Variants in PLPPR1 observed in about 807,000 individuals in gnomAD.
The protein encoded by PLPPR1 is phospholipid phosphatase related 1, also known as phospholipid phosphatase-related protein type 1.
A neutral mutation model predicts 33.1 loss-of-function variants in PLPPR1; 10 were observed. The observed-to-expected ratio is 0.30, with a 90% CI of 0.19 to 0.51. PLPPR1 has a LOEUF of 0.51. PLPPR1 is among the 20% of genes least tolerant of loss of function. PLPPR1 has a pLI of 0.97. For synonymous variants in PLPPR1, 151 were observed against 151.0 expected (o/e 1.00, Z 0.00); for missense variants, 304 against 408.1 (o/e 0.74, Z 2.20).
At chr9:101,117,054 C>A (rs1277606198) in intron 1 of PLPPR1, among the ~76,000 whole-genome samples, 1 of 152,074 alleles carries the variant, frequency 6.6e-6, no homozygotes, top group Non-Finnish European at 1.5e-5. Flanking sequence ...GAAGATGGAT[C>A]TTCATCCCTC....
intron 1 of PLPPR1, among the ~76,000 whole-genome samples, chr9:101,063,676 C>T (rs1005034368): frequency 7.9e-5 from 12 of 152,042 alleles, no homozygotes; most frequent in Non-Finnish European, 1.6e-4. Flanking sequence ...TGTTGTTCCT[C>T]TTCTAGGAAA....
At chr9:101,045,425 GT>G (rs1830132459) in intron 1 of PLPPR1, among the ~76,000 whole-genome samples, 1 of 152,202 alleles carries the variant, frequency 6.6e-6, no homozygotes, top group South Asian at 2.1e-4. Flanking sequence ...GTGAATGGAA[GT>G]GAATGAGTAA....
At chr9:101,076,917 C>T (rs970463987) in intron 1 of PLPPR1, among the ~76,000 whole-genome samples, 1 of 152,204 alleles carries the variant, frequency 6.6e-6, no homozygotes, top group Non-Finnish European at 1.5e-5. Context: ...TCGGCTTCTT[C>T]CCTACTTCCC....
At chr9:101,293,775 A>T (rs1457428744) in intron 4 of PLPPR1, among the ~76,000 whole-genome samples, 1 of 152,194 alleles carries the variant, frequency 6.6e-6, no homozygotes, top group Non-Finnish European at 1.5e-5. Flanking sequence ...GACACAACAT[A>T]CCAGAATCTC....
intron 1 of PLPPR1, among the ~76,000 whole-genome samples, chr9:101,123,458 C>T (rs895089955): frequency 1.3e-4 from 20 of 151,964 alleles, no homozygotes; most frequent in African/African-American, 4.8e-4. Flanking sequence ...GACCCAACAC[C>T]AGGTCGTGGG....
At chr9:101,041,091 C>G (rs1468934712) in intron 1 of PLPPR1, among the ~76,000 whole-genome samples, 1 of 152,080 alleles carries the variant, frequency 6.6e-6, no homozygotes, top group Non-Finnish European at 1.5e-5. Context: ...GGGGCTTGGT[C>G]CCATAGGACA....
chr9:101,187,340 C>T (rs1031497192), intron 2 of PLPPR1: 1 of 151,668 alleles, frequency 6.6e-6, no homozygotes, highest in Non-Finnish European at 1.5e-5. Context: ...ATTTTCAGCT[C>T]TCTAATGTGT....
At chr9:101,276,902 C>T (rs961218258) in intron 3 of PLPPR1, among the ~76,000 whole-genome samples, 22 of 152,298 alleles carry the variant, frequency 1.4e-4, no homozygotes, top group East Asian at 3.9e-4. Context: ...AGCTTTGAAA[C>T]GCATAGGAAG....
At chr9:101,053,088 G>A (rs1353968927) in intron 1 of PLPPR1, among the ~76,000 whole-genome samples, 1 of 152,160 alleles carries the variant, frequency 6.6e-6, no homozygotes, top group Non-Finnish European at 1.5e-5. Context: ...AGATTCACAT[G>A]TTAAATAGCC....
At chr9:101,230,444 A>G (rs542487923) in intron 2 of PLPPR1, among the ~76,000 whole-genome samples, 1 of 152,232 alleles carries the variant, frequency 6.6e-6, no homozygotes, top group African/African-American at 2.4e-5. Context: ...AAAGTACACG[A>G]TTGCCAAGTT....
chr9:101,283,938 T>C (rs1056743583), intron 3 of PLPPR1, among the ~76,000 whole-genome samples: 1 of 152,096 alleles, frequency 6.6e-6, no homozygotes, highest in Admixed American at 6.6e-5. Flanking sequence ...AGATATAATC[T>C]CACACCTGTT....
intron 1 of PLPPR1, among the ~76,000 whole-genome samples, chr9:101,114,329 C>T (rs1277119146): frequency 1.3e-5 from 2 of 152,166 alleles, no homozygotes; most frequent in Non-Finnish European, 2.9e-5. Flanking sequence ...AAAATCACAT[C>T]CTAGTAAATG....
intron 1 of PLPPR1, among the ~76,000 whole-genome samples, chr9:101,039,181 T>C (rs1215166403): frequency 6.6e-6 from 1 of 152,168 alleles, no homozygotes; most frequent in African/African-American, 2.4e-5. Flanking sequence ...GAAAGCAGGA[T>C]CATGTGGTGG....
chr9:101,181,821 C>T (rs1234671167), intron 1 of PLPPR1, among the ~76,000 whole-genome samples: 3 of 148,336 alleles, frequency 2.0e-5, no homozygotes, highest in African/African-American at 7.4e-5. Context: ...TAATAATTGA[C>T]ACCTAGGTAG....
chr9:101,310,954 A>G (rs930874904), intron 5 of PLPPR1, among the ~76,000 whole-genome samples: 2 of 152,208 alleles, frequency 1.3e-5, no homozygotes, highest in African/African-American at 4.8e-5. Context: ...AAACAAAACC[A>G]AACCAAAAAA....
intron 1 of PLPPR1, among the ~76,000 whole-genome samples, chr9:101,177,017 CT>C (rs1826028605): frequency 6.6e-6 from 1 of 152,176 alleles, no homozygotes; most frequent in Non-Finnish European, 1.5e-5. Flanking sequence ...GTTTTAATTA[CT>C]GTAACTTTGT....
intron 1 of PLPPR1, among the ~76,000 whole-genome samples, chr9:101,173,447 A>G (rs951375329): frequency 2.6e-5 from 4 of 152,096 alleles, no homozygotes; most frequent in African/African-American, 7.2e-5. Flanking sequence ...AATTGGCCCT[A>G]TAGTACCTAA....
chr9:101,164,723 A>C (rs184505998), intron 1 of PLPPR1, among the ~76,000 whole-genome samples: 85 of 152,182 alleles, frequency 5.6e-4, no homozygotes, highest in African/African-American at 2.0e-3. Context: ...TAGCATTATA[A>C]ATTTTTTCCC....
At chr9:101,257,050 G>C (rs183063957) in intron 2 of PLPPR1, among the ~76,000 whole-genome samples, 141 of 152,160 alleles carry the variant, frequency 9.3e-4, no homozygotes, top group Non-Finnish European at 1.6e-3. Context: ...GGTAGAAAGT[G>C]GGGGAAGCTC....
Sources: gnomAD v4.1 joint callset for allele counts (sites outside exome capture counted in the v4.1 genomes callset) on GRCh38, gnomAD v4.1.1 for gene constraint, MANE v1.5 for transcripts, NCBI Gene and HGNC (gene_info 2026-07-23, HGNC 2026-07-21) for gene names.